The following CTTN variants were observed in gnomAD, a reference collection of about 807,000 sequenced individuals.
CTTN encodes the protein cortactin.
CTTN carries 28 observed loss-of-function variants against 84.0 expected under a neutral mutation model. That is an observed-to-expected ratio of 0.33 (90% CI 0.25 to 0.46). CTTN has a LOEUF of 0.46. Ranked by LOEUF, CTTN falls within the 20% of genes least tolerant of loss-of-function variation. CTTN has a pLI of 1.00. For synonymous variants in CTTN, 301 were observed against 288.8 expected (o/e 1.04, Z -0.43); for missense variants, 641 against 723.8 (o/e 0.89, Z 1.31).
chr11:70,402,539 C>A (rs1184941346), intron 1 of CTTN, among the ~76,000 whole-genome samples: 1 of 152,236 alleles, frequency 6.6e-6, no homozygotes, highest in Non-Finnish European at 1.5e-5. Context: ...TCTTTTGTCT[C>A]TGTAGATTTG....
intron 7 of CTTN, chr11:70,416,812 C>G: frequency 1.8e-6 from 1 of 558,816 alleles, no homozygotes; most frequent in South Asian, 2.2e-5. Flanking sequence ...CTGACAGGGC[C>G]CAGAACCCCC....
chr11:70,420,598 G>A, intron 10 of CTTN, 88 bp downstream of exon 10: 1 of 923,632 alleles, frequency 1.1e-6, no homozygotes, highest in Non-Finnish European at 1.8e-6. Flanking sequence ...GTGTCTGCGT[G>A]TGCCTGCTGC....
At chr11:70,410,083 G>A (rs769526902) in intron 5 of CTTN, 123 bp downstream of exon 5, 60 of 1,014,564 alleles carry the variant, frequency 5.9e-5, no homozygotes, top group East Asian at 9.6e-5. Flanking sequence ...CTGAGGTTGC[G>A]ATTTGCCCGG....
chr11:70,421,153 A>C (rs1419176463), intron 10 of CTTN, among the ~76,000 whole-genome samples: 1 of 152,112 alleles, frequency 6.6e-6, no homozygotes, highest in Non-Finnish European at 1.5e-5. Context: ...AGATACGCAC[A>C]CTCGTCTGCA....
rs1359983235 is a variant in CTTN, at chr11:70,429,169, G to A, written c.1146G>A (p.Gln382=). 1 of 1,613,476 alleles carries A rather than the reference G, an allele frequency of 6.2e-7. No homozygotes were observed. Among genetic ancestry groups the A allele is most frequent in the East Asian group, 2.2e-5 (1 of 44,896 alleles). ...CCCAGCGGATGGCCAAGGAGCGGCAGGAGCAGGAAGAGGCCAGGAGGAAGC... is the reference window on the plus strand; with the variant it reads ...CCCAGCGGATGGCCAAGGAGCGGCAAGAGCAGGAAGAGGCCAGGAGGAAGC... ...ERAQRMAKER[Q]EQEEARRKLE... is the part of the protein sequence containing the mutation. The change falls in exon 14 of 18, where the codon CAG becomes CAA. Residue 382 remains glutamine, a synonymous_variant. Transcript: ENST00000301843.
intron 5 of CTTN, chr11:70,410,422 C>T (rs1366457837): frequency 5.9e-6 from 1 of 168,276 alleles, no homozygotes; most frequent in Admixed American, 5.6e-5. Context: ...CAGTGACCAT[C>T]AGAGCAGTCT....
intron 2 of CTTN, among the ~76,000 whole-genome samples, chr11:70,407,084 G>A (rs139626428): frequency 6.6e-6 from 1 of 152,082 alleles, no homozygotes; most frequent in Non-Finnish European, 1.5e-5. Context: ...TATTTCTGAC[G>A]TCAGGTGACG....
At chr11:70,415,819 GGA>G (rs1180122259) in intron 7 of CTTN, 102 bp downstream of exon 7, 2 of 1,170,404 alleles carry the variant, frequency 1.7e-6, no homozygotes, top group African/African-American at 1.5e-5. Flanking sequence ...GCCCTGATGG[GGA>G]GAGTCACAGC....
At chr11:70,399,988 G>C (rs550827363) in intron 1 of CTTN, among the ~76,000 whole-genome samples, 2 of 152,326 alleles carry the variant, frequency 1.3e-5, no homozygotes, top group East Asian at 3.9e-4. Context: ...TGAGTCACTG[G>C]CTCCAGAGCA....
intron 1 of CTTN, among the ~76,000 whole-genome samples, chr11:70,404,814 C>A (rs2058024183): frequency 1.3e-5 from 2 of 152,146 alleles, no homozygotes; most frequent in African/African-American, 4.8e-5. Flanking sequence ...ACCAGCCTGA[C>A]CAACATGGAG....
intron 14 of CTTN, 67 bp downstream of exon 14, chr11:70,429,266 T>C: frequency 6.5e-7 from 1 of 1,541,822 alleles, no homozygotes; most frequent in Non-Finnish European, 8.8e-7. Context: ...TTGGGAGCTC[T>C]GGGGCCTGGG....
chr11:70,420,667 C>G (rs1032759626), intron 10 of CTTN, among the ~76,000 whole-genome samples, 157 bp downstream of exon 10: 3 of 152,248 alleles, frequency 2.0e-5, no homozygotes, highest in African/African-American at 7.2e-5. Context: ...TCCCCCAGTT[C>G]CCTCCAGCTA....
intron 13 of CTTN, among the ~76,000 whole-genome samples, chr11:70,426,316 C>T (rs983387049): frequency 6.7e-6 from 1 of 150,278 alleles, no homozygotes; most frequent in South Asian, 2.1e-4. Flanking sequence ...GAGGCTGAGA[C>T]AGGAGAATGG....
rs2275988 is a variant in CTTN, at chr11:70,414,727, G to T, written c.402+75G>T. 2.6e-3 allele frequency: 2,801 copies of T among 1,075,396 alleles called. 47 individuals are homozygous for T. In the East Asian group the frequency reaches 0.047, roughly 18 times the overall value. The allele number at this position is 1,075,396 out of a possible 1,614,324, so 66.6% of individuals were successfully genotyped here. On this transcript the variant is annotated intron_variant, in intron 6 of 17. Coordinates refer to ENST00000301843, the MANE Select transcript of CTTN (RefSeq NM_005231.4). ...TCCCCGTAGATCTGAGCCCTGTTGG[G>T]CCACTTGTAGTAGCAGGCAGGTGCC...
intron 17 of CTTN, 100 bp from the exon 18 acceptor site, chr11:70,434,926 T>A: frequency 7.6e-7 from 1 of 1,315,242 alleles, no homozygotes. Flanking sequence ...GGGGCATCTC[T>A]GAGCAGGCTG....
chr11:70,400,581 T>C (rs983371197), intron 1 of CTTN, among the ~76,000 whole-genome samples: 1 of 152,206 alleles, frequency 6.6e-6, no homozygotes, highest in African/African-American at 2.4e-5. Flanking sequence ...CAGGCCCAGC[T>C]AAAGCTGACT....
rs200256430 is a variant in CTTN at position 70,435,177 on chromosome 11, C to T, written c.*15C>T. The T allele has an allele frequency of 6.6e-5, 106 of 1,599,648 alleles. No homozygotes were observed. The Middle Eastern group carries it at 1.5e-3, about 23-fold the overall frequency. ...TGCGGCAGTAGGGCCCCCAGCCCCC[C>T]CCCGGAGCTGCGCCCTGGATCCTCA... On this transcript the variant is annotated 3_prime_UTR_variant, in exon 18 of 18. Coordinates refer to ENST00000301843, the MANE Select transcript of CTTN (RefSeq NM_005231.4).
intron 12 of CTTN, 64 bp from the exon 13 acceptor site, chr11:70,425,268 G>A: frequency 7.6e-7 from 1 of 1,316,812 alleles, no homozygotes; most frequent in Non-Finnish European, 1.1e-6. Flanking sequence ...TCTGGCAGGA[G>A]CTACCACAGG....
chr11:70,425,243 G>T (rs918975465), intron 12 of CTTN, 89 bp from the exon 13 acceptor site: 89 of 1,014,064 alleles, frequency 8.8e-5, no homozygotes, highest in Non-Finnish European at 1.2e-4. Context: ...GGAAGATCTG[G>T]GGAAGGCATT....
Sources: gnomAD v4.1 joint callset for allele counts (sites outside exome capture counted in the v4.1 genomes callset) on GRCh38, gnomAD v4.1.1 for gene constraint, MANE v1.5 for transcripts, NCBI Gene and HGNC (gene_info 2026-07-23, HGNC 2026-07-21) for gene names.